ADGRD1: variants seen among roughly 807,000 people sequenced by gnomAD.
The protein encoded by ADGRD1 is G-protein coupled receptor 133.
Under a neutral mutation model 113.4 loss-of-function variants are expected in ADGRD1, and 77 were observed. That is an observed-to-expected ratio of 0.68 (90% CI 0.57 to 0.82). The LOEUF is 0.82. Among genes scored for constraint, ADGRD1 ranks in the 40% least tolerant of loss-of-function variants. The pLI, the probability that ADGRD1 is intolerant of heterozygous loss-of-function variation, is 0.00. For missense variants in ADGRD1, 1,036 were observed against 1,139.1 expected, an observed-to-expected ratio of 0.91 and a Z score of 1.30; for synonymous variants, 474 against 475.0, an observed-to-expected ratio of 1.00 and a Z score of 0.03.
intron 20 of ADGRD1, among the ~76,000 whole-genome samples, chr12:131,129,393 G>T: frequency 8.8e-6 from 1 of 113,682 alleles, no homozygotes; most frequent in South Asian, 3.2e-4. Context: ...TGAGTGACAG[G>T]CCCGCCCTGC....
chr12:131,132,305 C>T (rs1950952525), intron 21 of ADGRD1, among the ~76,000 whole-genome samples: 2 of 152,172 alleles, frequency 1.3e-5, no homozygotes, highest in South Asian at 4.1e-4. Context: ...TCTGGGCTGC[C>T]CCGCCTGGAG....
intron 13 of ADGRD1, among the ~76,000 whole-genome samples, chr12:131,018,896 T>C (rs1041969676): frequency 4.6e-5 from 7 of 152,130 alleles, no homozygotes; most frequent in Non-Finnish European, 8.8e-5. Flanking sequence ...CCCGGGTTGT[T>C]CTGGTTCTGT....
At chr12:131,104,648 G>A (rs1402629230) in intron 15 of ADGRD1, among the ~76,000 whole-genome samples, 183 bp from the exon 16 acceptor site, 1 of 152,122 alleles carries the variant, frequency 6.6e-6, no homozygotes, top group Non-Finnish European at 1.5e-5. Flanking sequence ...CAGAACCAGG[G>A]CTGCAACCCC....
In ADGRD1 at chr12:130,965,836, G is replaced by C. The variant is rs1446241480; in HGVS notation, c.104-627G>C. ...ATGCTTAGTGTGGAGGAAGCATAGAGGGAAAATAGAATGACCAGGATTAAA... is the reference window on the plus strand; with the variant it reads ...ATGCTTAGTGTGGAGGAAGCATAGACGGAAAATAGAATGACCAGGATTAAA... On this transcript the variant is annotated intron_variant, in intron 2 of 24. Transcript: ENST00000261654. This position sits in a 1 kb window ranked among gnomAD's most constrained non-coding sequence, Gnocchi z 4.8. Among the ~76,000 whole-genome samples the C allele has an allele frequency of 6.6e-6, 1 of 152,232 alleles. No individual in the cohort carries two copies. Among genetic ancestry groups the C allele is most frequent in the African/African-American group, 2.4e-5 (1 of 41,458 alleles).
At chr12:130,962,748 AT>A in intron 2 of ADGRD1, 1 of 152,304 alleles carries the variant, frequency 6.6e-6, no homozygotes, top group Non-Finnish European at 1.5e-5. Flanking sequence ...CACTTAAGTT[AT>A]TGTTTAGATA....
intron 15 of ADGRD1, among the ~76,000 whole-genome samples, chr12:131,101,112 T>C (rs1055594194): frequency 6.6e-6 from 1 of 152,096 alleles, no homozygotes; most frequent in Non-Finnish European, 1.5e-5. Flanking sequence ...CGATGCCCCA[T>C]GAAATGCAGC....
intron 13 of ADGRD1, among the ~76,000 whole-genome samples, chr12:131,062,442 G>A (rs1884409004): frequency 6.6e-6 from 1 of 152,176 alleles, no homozygotes; most frequent in South Asian, 2.1e-4. Context: ...ATGCCCAGGA[G>A]TACTATTACA....
At chr12:131,048,217 A>C (rs1247226268) in intron 13 of ADGRD1, among the ~76,000 whole-genome samples, 1 of 152,238 alleles carries the variant, frequency 6.6e-6, no homozygotes, top group Non-Finnish European at 1.5e-5. Flanking sequence ...GCGCAGGGTC[A>C]GCCGGGGCCA....
At chr12:131,062,504 C>T (rs571285957) in intron 13 of ADGRD1, among the ~76,000 whole-genome samples, 2 of 152,152 alleles carry the variant, frequency 1.3e-5, no homozygotes, top group Non-Finnish European at 2.9e-5. Context: ...TTGAACTAAT[C>T]CCCACATATC....
At chr12:131,089,751 G>A (rs1164059086) in intron 15 of ADGRD1, among the ~76,000 whole-genome samples, 1 of 152,222 alleles carries the variant, frequency 6.6e-6, no homozygotes, top group Non-Finnish European at 1.5e-5. Flanking sequence ...CACACCACAC[G>A]AGTGAGGTGC....
chr12:131,134,623 A>C (rs1951028352), intron 21 of ADGRD1, among the ~76,000 whole-genome samples: 2 of 152,196 alleles, frequency 1.3e-5, no homozygotes, highest in Admixed American at 1.3e-4. Flanking sequence ...GGCTTCTCTG[A>C]GAGCTGAAGT....
At chr12:131,104,330 T>C (rs879276392) in intron 15 of ADGRD1, among the ~76,000 whole-genome samples, 11 of 152,216 alleles carry the variant, frequency 7.2e-5, no homozygotes, top group Admixed American at 7.2e-4. Flanking sequence ...CTTCCCTAGC[T>C]GCTCCAGCAC....
chr12:130,981,597 G>T (rs78822924), intron 4 of ADGRD1, among the ~76,000 whole-genome samples: 10,561 of 152,222 alleles, frequency 0.069, 724 homozygotes, highest in African/African-American at 0.18. Context: ...TTGAGTGAAT[G>T]AGCCTCAGTT....
At chr12:130,960,683 AC>A (rs1870244810) in intron 2 of ADGRD1, among the ~76,000 whole-genome samples, 1 of 152,140 alleles carries the variant, frequency 6.6e-6, no homozygotes, top group Non-Finnish European at 1.5e-5. Context: ...ACACATACAC[AC>A]ACACCTCCTG....
chr12:131,136,257 T>C, intron 22 of ADGRD1, 94 bp downstream of exon 22: 3 of 1,469,898 alleles, frequency 2.0e-6, no homozygotes, highest in Admixed American at 3.8e-5. Context: ...GAGGGAGGCC[T>C]GCCCTCCCGG....
At chr12:130,997,709 C>T (rs1227780647) in intron 8 of ADGRD1, among the ~76,000 whole-genome samples, 1 of 151,554 alleles carries the variant, frequency 6.6e-6, no homozygotes, top group Non-Finnish European at 1.5e-5. Context: ...AGACGCTCCT[C>T]ACTTTCCAGA....
chr12:130,973,808 G>A (rs150004129), intron 4 of ADGRD1, among the ~76,000 whole-genome samples: 7,310 of 86,922 alleles, frequency 0.084, 248 homozygotes, highest in South Asian at 0.15. Context: ...GATATAAACC[G>A]GGGGTGCGGT....
Position 131,096,231 on chromosome 12 carries a change from C to T in ADGRD1, c.1672-8600C>T, listed in dbSNP as rs1887273769. On this transcript the variant is annotated intron_variant, in intron 15 of 24. Coordinates refer to ENST00000261654, the MANE Select transcript of ADGRD1 (RefSeq NM_198827.5). The surrounding 1 kb of genome is among the most constrained non-coding windows in gnomAD (Gnocchi z 5.2). ...AAAGGGTAGTGAAGCATAAAGACTG[C>T]ACCCTTTATTTTTATTTACAATTTA... 6.6e-6 allele frequency among the ~76,000 whole-genome samples: 1 copy of T among 152,202 alleles called. No homozygotes were observed. The highest frequency in any genetic ancestry group is 2.1e-4 in the South Asian group (1 of 4,828).
chr12:131,067,360 G>A (rs2137116240), intron 13 of ADGRD1, among the ~76,000 whole-genome samples: 1 of 152,330 alleles, frequency 6.6e-6, no homozygotes, highest in East Asian at 1.9e-4. Context: ...GCTTCTGTTA[G>A]TGAGAAAGAA....
Sources: allele counts gnomAD v4.1 joint callset (sites outside exome capture counted in the v4.1 genomes callset), GRCh38; gene constraint gnomAD v4.1.1; non-coding constraint Gnocchi (gnomAD v3.1); transcripts MANE v1.5; gene names NCBI Gene and HGNC (gene_info 2026-07-23, HGNC 2026-07-21).